The following SFI1 variants were observed in gnomAD, a reference collection of about 807,000 sequenced individuals.
SFI1 encodes the protein protein SFI1 homolog.
Under a neutral mutation model 207.5 loss-of-function variants are expected in SFI1, and 195 were observed. The ratio of observed to expected loss-of-function variants is 0.94; its 90% CI spans 0.84 to 1.06. SFI1 has a LOEUF of 1.06. Among genes scored for constraint, SFI1 ranks in the 50% least tolerant of loss-of-function variants. SFI1 has a pLI of 0.00. For missense variants in SFI1, 1,634 were observed against 1,588.0 expected (o/e 1.03, Z -0.49); for synonymous variants, 630 against 598.9 (o/e 1.05, Z -0.76).
intron 4 of SFI1, among the ~76,000 whole-genome samples, chr22:31,544,463 AAAT>A (rs1455021049): frequency 6.6e-6 from 1 of 152,182 alleles, no homozygotes; most frequent in Non-Finnish European, 1.5e-5. Flanking sequence ...AAAAAATTAA[AAAT>A]AATAATTTTC....
At chr22:31,609,310 CTT>C (rs1310262912) in intron 22 of SFI1, among the ~76,000 whole-genome samples, 1 of 152,080 alleles carries the variant, frequency 6.6e-6, no homozygotes, top group Non-Finnish European at 1.5e-5. Context: ...GACCTAGTCT[CTT>C]TTAAAAAATC....
chr22:31,575,119 TGTGG>T, intron 9 of SFI1, 108 bp from the exon 10 acceptor site: 1 of 596,922 alleles, frequency 1.7e-6, no homozygotes, highest in South Asian at 2.2e-5. Flanking sequence ...TGTGTGTGTG[TGTGG>T]CCTTGAACCC....
At chr22:31,614,491 C>T (rs56280136) in intron 27 of SFI1, 9,424 of 587,978 alleles carry the variant, frequency 0.016, 119 homozygotes, top group South Asian at 0.022. Context: ...GGATCCTGAA[C>T]GTCTCAGAGG....
chr22:31,536,523 T>C (rs2059009162), intron 4 of SFI1, among the ~76,000 whole-genome samples: 4 of 152,348 alleles, frequency 2.6e-5, no homozygotes, highest in African/African-American at 7.2e-5. Context: ...GCAATTCTCC[T>C]GCCTCCGCCT....
intron 4 of SFI1, among the ~76,000 whole-genome samples, chr22:31,534,851 C>T (rs2058826448): frequency 6.8e-6 from 1 of 147,946 alleles, no homozygotes; most frequent in Non-Finnish European, 1.5e-5. Context: ...TCCTTATCTT[C>T]TTTCCTCATA....
At chr22:31,517,694 C>A (rs145147347) in intron 2 of SFI1, among the ~76,000 whole-genome samples, 38 of 152,104 alleles carry the variant, frequency 2.5e-4, no homozygotes, top group African/African-American at 8.9e-4. Context: ...TGTCCTAGCA[C>A]AGTTTATTGA....
intron 3 of SFI1, 161 bp from the exon 4 acceptor site, chr22:31,530,897 C>T (rs5749294): frequency 1.5e-5 from 9 of 606,730 alleles, no homozygotes; most frequent in Non-Finnish European, 5.9e-6. Context: ...CTGCCCCATC[C>T]TATGCCCTGT....
At chr22:31,503,849 A>G (rs2054219709) in intron 1 of SFI1, among the ~76,000 whole-genome samples, 1 of 151,586 alleles carries the variant, frequency 6.6e-6, no homozygotes, top group African/African-American at 2.4e-5. Flanking sequence ...TCGGCCTCCC[A>G]AAGTTCTAGG....
At chr22:31,503,934 T>C (rs897220856) in intron 1 of SFI1, among the ~76,000 whole-genome samples, 1 of 152,198 alleles carries the variant, frequency 6.6e-6, no homozygotes. Context: ...TTCCAACTTA[T>C]AAGCAAGTTT....
intron 4 of SFI1, among the ~76,000 whole-genome samples, chr22:31,536,131 T>C (rs1363157826): frequency 6.6e-6 from 1 of 152,166 alleles, no homozygotes; most frequent in Non-Finnish European, 1.5e-5. Context: ...CTCCTCCATA[T>C]GAAGCCCTGT....
intron 2 of SFI1, among the ~76,000 whole-genome samples, chr22:31,522,331 T>G (rs2057380555): frequency 6.6e-6 from 1 of 152,162 alleles, no homozygotes; most frequent in Non-Finnish European, 1.5e-5. Flanking sequence ...GTGGTAGGAT[T>G]ACATGCGTGA....
chr22:31,603,711 G>C, intron 17 of SFI1, 33 bp from the exon 18 acceptor site: 5 of 1,491,722 alleles, frequency 3.4e-6, no homozygotes, highest in Non-Finnish European at 4.4e-6. Flanking sequence ...CTGGGTGGGG[G>C]CTGCAGCACT....
chr22:31,524,086 C>T (rs1434956599), intron 2 of SFI1, among the ~76,000 whole-genome samples: 1 of 151,946 alleles, frequency 6.6e-6, no homozygotes, highest in Non-Finnish European at 1.5e-5. Context: ...CCTGTAGTCC[C>T]ACCTACTTGG....
intron 16 of SFI1, 104 bp from the exon 17 acceptor site, chr22:31,602,503 T>G (rs1055551460): frequency 3.6e-6 from 5 of 1,376,778 alleles, no homozygotes; most frequent in Admixed American, 1.8e-5. Flanking sequence ...TGACATCCAT[T>G]CCTTTTGCCT....
chr22:31,616,950 G>C, intron 30 of SFI1, 50 bp from the exon 31 acceptor site: 2 of 1,613,200 alleles, frequency 1.2e-6, no homozygotes, highest in Non-Finnish European at 1.7e-6. Context: ...TATTTACCCT[G>C]GTCCCCGAGG....
In SFI1 at chr22:31,550,284, G is replaced by T; in HGVS notation, c.480G>T (p.Thr160=). 1.9e-6 allele frequency: 3 copies of T among 1,614,104 alleles called. No individual in the cohort carries two copies. Among genetic ancestry groups the T allele is most frequent in the Non-Finnish European group, 2.5e-6 (3 of 1,180,004 alleles). Residue 160 remains threonine, a synonymous_variant, in exon 6 of 33, where the codon ACG becomes ACT. Coordinates refer to ENST00000400288, the MANE Select transcript of SFI1 (RefSeq NM_001007467.3). ...ACCTGTACAACCTGATGTTCCAGAC[G>T]TGGAAGACCTATGTGCGTCAGCAGC... is the stretch of plus-strand genomic sequence containing the variant. The part of the protein sequence containing the change: ...RYYLYNLMFQ[T]WKTYVRQQQE...
At chr22:31,537,058 C>T (rs1007395203) in intron 4 of SFI1, among the ~76,000 whole-genome samples, 3 of 151,766 alleles carry the variant, frequency 2.0e-5, no homozygotes, top group African/African-American at 7.3e-5. Flanking sequence ...TTTTTTTTAA[C>T]AAGCCACCTG....
intron 8 of SFI1, among the ~76,000 whole-genome samples, chr22:31,572,222 G>A (rs2063024800): frequency 6.6e-6 from 1 of 152,108 alleles, no homozygotes; most frequent in Non-Finnish European, 1.5e-5. Flanking sequence ...TCAGTTGAGA[G>A]GAGGGAAAGG....
rs2061239369 is a variant in SFI1 at position 31,557,033 on chromosome 22, G to A, written c.636G>A (p.Leu212=). The change falls in exon 7 of 33, where the codon CTG becomes CTA. Residue 212 remains leucine, a synonymous_variant. Transcript: ENST00000400288. ...RTKLQMQTTA[L]EFRQRIILRV... ...AACTTCAGATGCAGACTACAGCTCT[G>A]GAGTTTAGGCAACGGATTATCTTAC... 6.2e-7 allele frequency: 1 copy of A among 1,608,780 alleles called. No individual in the cohort carries two copies. The highest frequency in any genetic ancestry group is 8.5e-7 in the Non-Finnish European group (1 of 1,176,750).
Sources: gnomAD v4.1 joint callset for allele counts (sites outside exome capture counted in the v4.1 genomes callset) on GRCh38, gnomAD v4.1.1 for gene constraint, MANE v1.5 for transcripts, NCBI Gene and HGNC (gene_info 2026-07-23, HGNC 2026-07-21) for gene names.